Variants in PTPRK observed in about 807,000 individuals in gnomAD.
The protein encoded by PTPRK is receptor-type tyrosine-protein phosphatase kappa.
Under a neutral mutation model 178.0 loss-of-function variants are expected in PTPRK, and 75 were observed. The ratio of observed to expected loss-of-function variants is 0.42; its 90% confidence interval spans 0.35 to 0.51. PTPRK has a LOEUF of 0.51. Among genes scored for constraint, PTPRK ranks in the 20% least tolerant of loss-of-function variants. The pLI is 0.02. For synonymous variants in PTPRK, 637 were observed against 620.6 expected (o/e 1.03, Z -0.39); for missense variants, 1,441 against 1,797.8 (o/e 0.80, Z 3.59).
chr6:128,385,303 A>T (rs1372849099), intron 2 of PTPRK, among the ~76,000 whole-genome samples: 2 of 151,944 alleles, frequency 1.3e-5, no homozygotes, highest in Non-Finnish European at 2.9e-5. Context: ...AACCGCAGGG[A>T]TTCACTTCCT....
intron 3 of PTPRK, among the ~76,000 whole-genome samples, chr6:128,257,154 T>C (rs112297269): frequency 0.01 from 1,511 of 150,162 alleles, 22 homozygotes; most frequent in African/African-American, 0.035. Flanking sequence ...TGCTTGAACA[T>C]GGGAGGCGGA....
At position 128,402,225 on chromosome 6, in the gene PTPRK, G is replaced by A. The variant is rs1039364948; in HGVS notation, c.101-4537C>T. Among the ~76,000 whole-genome samples, 46 of 139,816 alleles carry A rather than the reference G, an allele frequency of 3.3e-4. 1 individual carries two copies. The highest frequency in any genetic ancestry group is 1.2e-3 in the African/African-American group (44 of 37,550). The allele number at this position is 139,816 out of a possible 152,430, so 91.7% of individuals were successfully genotyped here. A position where few individuals can be genotyped will look rare whatever the true frequency, so the allele number is the denominator to read the frequency against. On this transcript the variant is annotated intron_variant, in intron 1 of 29. Coordinates refer to ENST00000368226, the MANE Select transcript of PTPRK (RefSeq NM_002844.4). ...ATTCCCAGAAAAACACCTTACAGAAGTATAGAAATTAATGGTTTTGTTTGT... is the reference window on the plus strand; with the variant it reads ...ATTCCCAGAAAAACACCTTACAGAAATATAGAAATTAATGGTTTTGTTTGT...
intron 7 of PTPRK, among the ~76,000 whole-genome samples, chr6:128,135,515 G>A (rs2114483289): frequency 6.6e-6 from 1 of 152,240 alleles, no homozygotes; most frequent in African/African-American, 2.4e-5. Flanking sequence ...TGAAACTTGG[G>A]GATTCCCAGA....
rs188162883 is a variant in PTPRK, at chr6:127,984,377, T to C, written c.3252-1000A>G. ...GTCCTTTAATTGTAATATACTGTGATTATTTTGCAGCTGGGGAATGTTTCT... is the reference window on the plus strand; with the variant it reads ...GTCCTTTAATTGTAATATACTGTGACTATTTTGCAGCTGGGGAATGTTTCT... On this transcript the variant is annotated intron_variant, in intron 22 of 29. Transcript: ENST00000368226. Among the ~76,000 whole-genome samples, 47 of 152,344 alleles carry C rather than the reference T, an allele frequency of 3.1e-4. 1 individual carries two copies. The highest frequency in any genetic ancestry group is 6.0e-4 in the Non-Finnish European group (41 of 68,024).
chr6:128,258,216 T>C (rs1817636182), intron 3 of PTPRK, among the ~76,000 whole-genome samples: 1 of 152,106 alleles, frequency 6.6e-6, no homozygotes, highest in African/African-American at 2.4e-5. Flanking sequence ...TATTCTTCTA[T>C]AAGAAAATAG....
chr6:128,504,472 C>T (rs1856036813), intron 1 of PTPRK, among the ~76,000 whole-genome samples: 3 of 152,150 alleles, frequency 2.0e-5, no homozygotes, highest in Admixed American at 1.3e-4. Context: ...CTTCAGTGAA[C>T]AGTAAGTAAC....
intron 3 of PTPRK, among the ~76,000 whole-genome samples, chr6:128,287,032 A>C (rs1822618910): frequency 6.6e-6 from 1 of 152,110 alleles, no homozygotes; most frequent in African/African-American, 2.4e-5. Flanking sequence ...ATATATTCCA[A>C]TTTGAAATGA....
At chr6:128,424,938 C>G (rs1313233755) in intron 1 of PTPRK, among the ~76,000 whole-genome samples, 1 of 151,682 alleles carries the variant, frequency 6.6e-6, no homozygotes, top group Non-Finnish European at 1.5e-5. Context: ...CTTTCCTTTC[C>G]TTTTTTTCTT....
chr6:128,278,148 T>TTTA (rs1479647713), intron 3 of PTPRK, among the ~76,000 whole-genome samples: 4 of 150,044 alleles, frequency 2.7e-5, no homozygotes, highest in Non-Finnish European at 5.9e-5. Flanking sequence ...TATTTATTTA[T>TTTA]TTATTTATTT....
At chr6:128,136,673 T>A (rs1454483441) in intron 7 of PTPRK, among the ~76,000 whole-genome samples, 1 of 152,232 alleles carries the variant, frequency 6.6e-6, no homozygotes, top group African/African-American at 2.4e-5. Context: ...TGTTGTAGCA[T>A]AATTCTGAAG....
rs1315035041 is a variant in PTPRK, at chr6:127,983,080, T to G, written c.3388-100A>C. The stretch of plus-strand genomic sequence containing the variant: ...AGAAAATTTTCTCTATATGGAAATA[T>G]GAATTAAAACACCAATATTTTTCTA... On this transcript the variant is annotated intron_variant, in intron 23 of 29. Transcript: ENST00000368226. The G allele has an allele frequency of 4.4e-6, 6 of 1,363,870 alleles. No individual in the cohort carries two copies. In the African/African-American group the frequency reaches 4.4e-5, roughly 10 times the overall value. 84.5% of individuals were successfully genotyped at this position (1,363,870 alleles called of 1,614,324 possible).
chr6:128,349,742 A>G (rs1057392927), intron 2 of PTPRK, among the ~76,000 whole-genome samples: 8 of 152,186 alleles, frequency 5.3e-5, no homozygotes, highest in African/African-American at 1.9e-4. Flanking sequence ...TAGGCGTTAT[A>G]GTCTATTTGT....
chr6:128,049,865 G>A (rs529406214), intron 13 of PTPRK, among the ~76,000 whole-genome samples: 7 of 152,108 alleles, frequency 4.6e-5, no homozygotes, highest in Non-Finnish European at 1.0e-4. Flanking sequence ...GGCCAGGTGC[G>A]GTGGCTCACG....
chr6:128,151,015 T>A (rs76982133), intron 7 of PTPRK, among the ~76,000 whole-genome samples: 4,239 of 152,160 alleles, frequency 0.028, 159 homozygotes, highest in African/African-American at 0.066. Context: ...ATTGTAGGAC[T>A]AAAACAAAAT....
chr6:128,230,579 GTTTT>G (rs1562832341), intron 5 of PTPRK, among the ~76,000 whole-genome samples: 1 of 152,056 alleles, frequency 6.6e-6, no homozygotes, highest in East Asian at 1.9e-4. Flanking sequence ...CTATACCTAC[GTTTT>G]ATTTTACAAT....
chr6:128,032,932 T>A (rs1775589736), intron 13 of PTPRK, among the ~76,000 whole-genome samples: 1 of 152,096 alleles, frequency 6.6e-6, no homozygotes, highest in Non-Finnish European at 1.5e-5. Context: ...TGACAGATAT[T>A]TTTAAAAAAT....
chr6:128,191,723 CG>C (rs1803830424), intron 6 of PTPRK, among the ~76,000 whole-genome samples: 1 of 145,238 alleles, frequency 6.9e-6, no homozygotes, highest in Non-Finnish European at 1.5e-5. Flanking sequence ...AAATCTGAAG[CG>C]AAAAAAAAAA....
intron 4 of PTPRK, among the ~76,000 whole-genome samples, chr6:128,241,603 T>C (rs1039736630): frequency 6.6e-6 from 1 of 152,138 alleles, no homozygotes; most frequent in African/African-American, 2.4e-5. Context: ...ATAGGCAAAG[T>C]CTGAATTTAT....
intron 3 of PTPRK, among the ~76,000 whole-genome samples, chr6:128,303,286 C>T (rs186188073): frequency 2.0e-5 from 3 of 152,266 alleles, no homozygotes; most frequent in East Asian, 1.9e-4. Context: ...CAAAGCTGGT[C>T]GCCCTTTTTT....
Sources: gnomAD v4.1 joint callset for allele counts (sites outside exome capture counted in the v4.1 genomes callset) on GRCh38, gnomAD v4.1.1 for gene constraint, MANE v1.5 for transcripts, NCBI Gene and HGNC (gene_info 2026-07-23, HGNC 2026-07-21) for gene names.